The following ATP8A2 variants were observed in gnomAD, a reference collection of about 807,000 sequenced individuals.
ATP8A2 encodes ATPase phospholipid transporting 8A2.
In ATP8A2, 100 loss-of-function variants were observed where a neutral mutation model predicts 165.6. The observed-to-expected ratio is 0.60, with a 90% confidence interval of 0.51 to 0.71. ATP8A2 has a LOEUF of 0.71. ATP8A2 is among the 30% of genes least tolerant of loss of function. The pLI is 0.00. For missense variants in ATP8A2, 1,227 were observed against 1,479.5 expected, an observed-to-expected ratio of 0.83 and a Z score of 2.80; for synonymous variants, 543 against 548.8, an observed-to-expected ratio of 0.99 and a Z score of 0.15.
chr13:25,834,280 A>G (rs1442095081), intron 28 of ATP8A2, among the ~76,000 whole-genome samples: 1 of 152,236 alleles, frequency 6.6e-6, no homozygotes, highest in Non-Finnish European at 1.5e-5. Flanking sequence ...TGATAGGGAA[A>G]TAGCGAAAAA....
At chr13:25,465,704 T>C (rs1593346401) in intron 1 of ATP8A2, among the ~76,000 whole-genome samples, 2 of 21,618 alleles carry the variant, frequency 9.3e-5, no homozygotes, top group African/African-American at 1.3e-4. Flanking sequence ...TCTTTCTTTC[T>C]TTCTTTCTTT....
intron 1 of ATP8A2, among the ~76,000 whole-genome samples, chr13:25,387,545 G>A (rs371217526): frequency 6.6e-6 from 1 of 152,036 alleles, no homozygotes; most frequent in South Asian, 2.1e-4. Flanking sequence ...CTCACCCGTC[G>A]CTAAAATGGG....
intron 30 of ATP8A2, among the ~76,000 whole-genome samples, chr13:25,841,821 C>A (rs1370110274): frequency 6.6e-6 from 1 of 152,150 alleles, no homozygotes; most frequent in East Asian, 1.9e-4. Flanking sequence ...GTATTTGGCT[C>A]ATGATTCTGG....
intron 10 of ATP8A2, among the ~76,000 whole-genome samples, chr13:25,549,159 C>G (rs745698641): frequency 6.6e-6 from 1 of 152,048 alleles, no homozygotes; most frequent in Non-Finnish European, 1.5e-5. Context: ...TTGGTGTTGT[C>G]TCTTAAAAGT....
chr13:25,465,163 C>A (rs2035600808), intron 1 of ATP8A2, among the ~76,000 whole-genome samples: 1 of 152,234 alleles, frequency 6.6e-6, no homozygotes, highest in Non-Finnish European at 1.5e-5. Context: ...AGAATTATCT[C>A]ATGAAACCTT....
rs530611701 is a variant in ATP8A2 at position 25,737,563 on chromosome 13, G to A, written c.2385-31483G>A. On this transcript the variant is annotated intron_variant, in intron 25 of 36. Coordinates refer to ENST00000381655, the MANE Select transcript of ATP8A2 (RefSeq NM_016529.6). ...CACCCAGGCTGGAGTGCAGTGGCAC[G>A]ATCATGGCTCACTGGAGCCTTGACC... 9.2e-5 allele frequency among the ~76,000 whole-genome samples: 14 copies of A among 152,350 alleles called. No homozygotes were observed. In the South Asian group the frequency reaches 2.1e-3, roughly 23 times the overall value.
intron 25 of ATP8A2, among the ~76,000 whole-genome samples, chr13:25,726,127 C>A (rs947403080): frequency 6.6e-5 from 10 of 152,046 alleles, no homozygotes; most frequent in African/African-American, 2.2e-4. Context: ...TAAAGAAATT[C>A]TTTAAAGAGA....
chr13:25,419,262 C>G (rs1574278), intron 1 of ATP8A2, among the ~76,000 whole-genome samples: 6,687 of 152,178 alleles, frequency 0.044, 318 homozygotes, highest in African/African-American at 0.12. Context: ...GGTCCAATCA[C>G]TTAACTCCAA....
At chr13:25,692,670 G>A (rs981367363) in intron 24 of ATP8A2, among the ~76,000 whole-genome samples, 3 of 152,192 alleles carry the variant, frequency 2.0e-5, no homozygotes, top group East Asian at 3.9e-4. Flanking sequence ...AAACTCTGAG[G>A]ATCCTCTATG....
intron 1 of ATP8A2, among the ~76,000 whole-genome samples, chr13:25,413,730 A>G (rs17082240): frequency 0.23 from 35,388 of 152,050 alleles, 4,466 homozygotes; most frequent in East Asian, 0.46. Context: ...CCAGCGATTT[A>G]GAGGCCAAGG....
chr13:25,738,689 A>G (rs954277580), intron 25 of ATP8A2, among the ~76,000 whole-genome samples: 1 of 152,276 alleles, frequency 6.6e-6, no homozygotes, highest in Admixed American at 6.5e-5. Flanking sequence ...ACTGCAGGCA[A>G]AATGACTGGA....
chr13:25,683,205 G>A (rs1425963125), intron 24 of ATP8A2, among the ~76,000 whole-genome samples: 5 of 152,150 alleles, frequency 3.3e-5, no homozygotes, highest in Admixed American at 6.5e-5. Context: ...GGGGCCTCAC[G>A]TTAGCACATT....
intron 33 of ATP8A2, among the ~76,000 whole-genome samples, chr13:25,936,896 A>G (rs922990439): frequency 6.6e-6 from 1 of 152,152 alleles, no homozygotes; most frequent in African/African-American, 2.4e-5. Context: ...GTGGGCTATG[A>G]AAGGGTTTTA....
intron 35 of ATP8A2, among the ~76,000 whole-genome samples, chr13:25,997,021 G>A (rs1956525251): frequency 6.6e-6 from 1 of 152,060 alleles, no homozygotes; most frequent in Non-Finnish European, 1.5e-5. Flanking sequence ...GTTTCACCAT[G>A]TTGGCCAGAC....
At chr13:25,413,113 G>A (rs9551205) in intron 1 of ATP8A2, among the ~76,000 whole-genome samples, 15,472 of 151,882 alleles carry the variant, frequency 0.1, 1,370 homozygotes, top group African/African-American at 0.23. Context: ...CCACCGTGCT[G>A]GCCCTAAAGG....
In ATP8A2 at chr13:25,555,056, A is replaced by G; in HGVS notation, c.1251A>G (p.Glu417=). Reference sequence around the variant, plus strand: ...TGGCCAGGACATCAAACCTTAATGAAGAGCTTGGGCAGGTGAAAAAGCCTC... The same window carrying G: ...TGGCCAGGACATCAAACCTTAATGAGGAGCTTGGGCAGGTGAAAAAGCCTC... ...PAMARTSNLN[E]ELGQVKYLFS... The change falls in exon 13 of 37, where the codon GAA becomes GAG. Residue 417 remains glutamate (E), a synonymous_variant. Coordinates refer to ENST00000381655, the MANE Select transcript of ATP8A2 (RefSeq NM_016529.6). 6.2e-7 allele frequency: 1 copy of G among 1,612,428 alleles called. No individual in the cohort carries two copies. The highest frequency in any genetic ancestry group is 8.5e-7 in the Non-Finnish European group (1 of 1,178,570).
chr13:25,609,589 T>TCAAATATATATATATATATTTGAATCC (rs2040625622), intron 24 of ATP8A2, among the ~76,000 whole-genome samples: 2 of 128,982 alleles, frequency 1.6e-5, no homozygotes, highest in Non-Finnish European at 3.4e-5. Context: ...ATATTTGGGT[T>TCAAATATATATATATATATTTGAATCC]CAAATATATA....
chr13:25,630,910 G>A (rs1338963538), intron 24 of ATP8A2, among the ~76,000 whole-genome samples: 1 of 152,114 alleles, frequency 6.6e-6, no homozygotes, highest in East Asian at 1.9e-4. Context: ...TTCTGGGACT[G>A]ACTGGAGTAT....
intron 1 of ATP8A2, among the ~76,000 whole-genome samples, chr13:25,397,860 G>A (rs2033482753): frequency 6.6e-6 from 1 of 152,194 alleles, no homozygotes; most frequent in Non-Finnish European, 1.5e-5. Flanking sequence ...GGGCTTCCAA[G>A]TCATAGGTGG....
Sources: gnomAD v4.1 joint callset for allele counts (sites outside exome capture counted in the v4.1 genomes callset) on GRCh38, gnomAD v4.1.1 for gene constraint, MANE v1.5 for transcripts, NCBI Gene and HGNC (gene_info 2026-07-23, HGNC 2026-07-21) for gene names.